Variants in ADAMTSL1 observed in about 807,000 individuals in gnomAD.
ADAMTSL1 encodes ADAMTS like 1, also known as ADAMTS-like protein 1.
In ADAMTSL1, 126 loss-of-function variants were observed where a neutral mutation model predicts 201.8. That is an observed-to-expected ratio of 0.62 (90% CI 0.54 to 0.72). ADAMTSL1 has a LOEUF of 0.72. Ranked by LOEUF, ADAMTSL1 falls within the 30% of genes least tolerant of loss-of-function variation. ADAMTSL1 has a pLI of 0.00. For missense variants in ADAMTSL1, 2,679 were observed against 2,277.8 expected, an observed-to-expected ratio of 1.18 and a Z score of -3.59; for synonymous variants, 1,121 against 903.4, an observed-to-expected ratio of 1.24 and a Z score of -4.32.
intron 1 of ADAMTSL1, among the ~76,000 whole-genome samples, chr9:17,983,436 T>C (rs980840020): frequency 2.0e-5 from 3 of 152,178 alleles, no homozygotes; most frequent in Admixed American, 1.3e-4. Context: ...CTCTTCCTTA[T>C]TGGGTATGTC....
chr9:18,620,480 T>C (rs1825972864), intron 4 of ADAMTSL1, among the ~76,000 whole-genome samples: 1 of 152,232 alleles, frequency 6.6e-6, no homozygotes. Context: ...AAAATACTTC[T>C]GTAATCCTAT....
rs907475168 is a variant in ADAMTSL1 at position 18,728,797 on chromosome 9, G to A, written c.2006+7132G>A. 3.9e-5 allele frequency among the ~76,000 whole-genome samples: 6 copies of A among 152,170 alleles called. No individual in the cohort carries two copies. The East Asian group carries it at 9.6e-4, about 24-fold the overall frequency. On this transcript the variant is annotated intron_variant, in intron 15 of 28. Coordinates refer to ENST00000380548, the MANE Select transcript of ADAMTSL1 (RefSeq NM_001040272.6). Reference sequence around the variant, plus strand: ...TGGAAGCCAGTGTTAGAGAGTGGACGGAGGCCAGATCCAGGAGAGTCCTGT... The same window carrying A: ...TGGAAGCCAGTGTTAGAGAGTGGACAGAGGCCAGATCCAGGAGAGTCCTGT...
intron 2 of ADAMTSL1, among the ~76,000 whole-genome samples, chr9:18,231,264 C>T (rs1830636241): frequency 6.6e-6 from 1 of 152,100 alleles, no homozygotes; most frequent in Admixed American, 6.6e-5. Context: ...TCTGCTCCTC[C>T]CTATCTCTCT....
intron 2 of ADAMTSL1, among the ~76,000 whole-genome samples, chr9:18,332,485 C>G (rs943045507): frequency 3.9e-5 from 6 of 152,056 alleles, no homozygotes; most frequent in African/African-American, 1.2e-4. Flanking sequence ...AAATCCTGCT[C>G]TCTCACTCAG....
intron 1 of ADAMTSL1, among the ~76,000 whole-genome samples, chr9:17,954,276 C>G (rs895649234): frequency 1.5e-4 from 23 of 152,154 alleles, no homozygotes; most frequent in African/African-American, 5.6e-4. Context: ...GTAACCTGGC[C>G]TTGGATGCTC....
At chr9:17,959,131 A>G (rs1403646249) in intron 1 of ADAMTSL1, among the ~76,000 whole-genome samples, 1 of 152,208 alleles carries the variant, frequency 6.6e-6, no homozygotes, top group Non-Finnish European at 1.5e-5. Flanking sequence ...AGGAAACTTG[A>G]AAGGATTTCT....
intron 3 of ADAMTSL1, among the ~76,000 whole-genome samples, chr9:18,562,378 G>A (rs1821570095): frequency 6.6e-6 from 1 of 152,218 alleles, no homozygotes; most frequent in Non-Finnish European, 1.5e-5. Context: ...GGTTTCTGCA[G>A]AGAGATCTGC....
intron 2 of ADAMTSL1, among the ~76,000 whole-genome samples, chr9:18,519,024 C>G (rs1361293399): frequency 6.6e-6 from 1 of 152,176 alleles, no homozygotes; most frequent in Non-Finnish European, 1.5e-5. Context: ...CTGGTGAGCT[C>G]TTTACCTACA....
intron 4 of ADAMTSL1, among the ~76,000 whole-genome samples, chr9:18,603,416 C>T (rs1263190320): frequency 6.6e-6 from 1 of 151,902 alleles, no homozygotes; most frequent in Non-Finnish European, 1.5e-5. Flanking sequence ...CTATGCTATG[C>T]TATACTGTGC....
At chr9:18,265,507 C>T (rs1017192746) in intron 2 of ADAMTSL1, among the ~76,000 whole-genome samples, 1 of 152,072 alleles carries the variant, frequency 6.6e-6, no homozygotes, top group African/African-American at 2.4e-5. Context: ...TGTTTTGGTT[C>T]CTAGCACCAA....
intron 1 of ADAMTSL1, among the ~76,000 whole-genome samples, chr9:17,954,929 G>A (rs1294963083): frequency 6.6e-6 from 1 of 152,016 alleles, no homozygotes; most frequent in Non-Finnish European, 1.5e-5. Flanking sequence ...AAAAGGTACT[G>A]GGCTGCTCTT....
At chr9:18,082,146 A>C (rs1038539371) in intron 1 of ADAMTSL1, among the ~76,000 whole-genome samples, 1 of 152,156 alleles carries the variant, frequency 6.6e-6, no homozygotes, top group Non-Finnish European at 1.5e-5. Context: ...TTGTATTCAC[A>C]TTTTTTTGGA....
chr9:18,222,014 A>C (rs1388411960), intron 2 of ADAMTSL1, among the ~76,000 whole-genome samples: 3 of 152,030 alleles, frequency 2.0e-5, no homozygotes, highest in African/African-American at 7.2e-5. Context: ...CGAGTCTTAA[A>C]AGTTATATAA....
At position 17,983,072 on chromosome 9, in the gene ADAMTSL1, C is replaced by CT. The variant is rs199805015; in HGVS notation, c.87+76153dup. 1.2e-3 allele frequency among the ~76,000 whole-genome samples: 118 copies of CT among 100,294 alleles called. 4 individuals carry two copies. The South Asian group carries it at 0.013, about 11-fold the overall frequency. 65.8% of individuals were successfully genotyped at this position (100,294 alleles called of 152,430 possible). Reference sequence around the variant, plus strand: ...TTCTTTTTCTTTTCTTTCTTTCTTTCTTTCTTTTTTTTTTTTGAGACTGAA... The same window carrying CT: ...TTCTTTTTCTTTTCTTTCTTTCTTTCTTTTCTTTTTTTTTTTTGAGACTGAA... On this transcript the variant is annotated intron_variant, in intron 1 of 29. Coordinates refer to the ADAMTSL1 transcript ENST00000680146.
chr9:18,262,478 A>G (rs1831961428), intron 2 of ADAMTSL1, among the ~76,000 whole-genome samples: 1 of 152,240 alleles, frequency 6.6e-6, no homozygotes, highest in Non-Finnish European at 1.5e-5. Context: ...CAAAGAAAGC[A>G]TATCGTATAA....
chr9:18,694,961 G>C (rs1364672199), intron 13 of ADAMTSL1, among the ~76,000 whole-genome samples: 12 of 152,236 alleles, frequency 7.9e-5, no homozygotes, highest in Admixed American at 4.6e-4. Flanking sequence ...CCTGCCCTCT[G>C]TGCACCCAGA....
intron 19 of ADAMTSL1, among the ~76,000 whole-genome samples, chr9:18,792,625 G>T (rs1265061813): frequency 6.6e-6 from 1 of 152,164 alleles, no homozygotes; most frequent in East Asian, 1.9e-4. Context: ...ACTTGACTAA[G>T]CCTGCTTTCA....
intron 4 of ADAMTSL1, among the ~76,000 whole-genome samples, chr9:18,618,155 A>G (rs1825818446): frequency 6.6e-6 from 1 of 152,210 alleles, no homozygotes; most frequent in African/African-American, 2.4e-5. Flanking sequence ...TTGATGCATC[A>G]GGGCAGAGGT....
Position 18,474,217 on chromosome 9 carries a change from C to T in ADAMTSL1, c.-16C>T, listed in dbSNP as rs1322436812. On this transcript the variant is annotated 5_prime_UTR_variant, in exon 1 of 29. Coordinates refer to ENST00000380548, the MANE Select transcript of ADAMTSL1 (RefSeq NM_001040272.6). ...CTTATTCAGTGTCCGATTCTGATTCCGGCAAGGATCCAAGCATGGAATGCT... is the reference window on the plus strand; with the variant it reads ...CTTATTCAGTGTCCGATTCTGATTCTGGCAAGGATCCAAGCATGGAATGCT... 3 of 1,613,730 alleles carry T rather than the reference C, an allele frequency of 1.9e-6. No homozygotes were observed. Among genetic ancestry groups the T allele is most frequent in the African/African-American group, 1.3e-5 (1 of 74,904 alleles).
Sources: allele counts gnomAD v4.1 joint callset (sites outside exome capture counted in the v4.1 genomes callset), GRCh38; gene constraint gnomAD v4.1.1; transcripts MANE v1.5; gene names NCBI Gene and HGNC (gene_info 2026-07-23, HGNC 2026-07-21).